Variants in FAM120B observed in about 807,000 individuals in gnomAD.
FAM120B encodes family with sequence similarity 120 member B, also known as constitutive coactivator of peroxisome proliferator-activated receptor gamma.
Under a neutral mutation model 96.3 loss-of-function variants are expected in FAM120B, and 83 were observed. The ratio of observed to expected loss-of-function variants is 0.86; its 90% CI spans 0.72 to 1.03. The LOEUF (loss-of-function observed/expected upper bound fraction) is 1.03. FAM120B is among the 50% of genes least tolerant of loss of function. The pLI, the probability that FAM120B is intolerant of heterozygous loss-of-function variation, is 0.00. For missense variants in FAM120B, 1,027 were observed against 1,121.2 expected (o/e 0.92, Z 1.20); for synonymous variants, 407 against 402.7 (o/e 1.01, Z -0.13).
At chr6:170,306,380 C>T (rs1344375649), upstream of FAM120B, 4 of 152,428 alleles carry the variant, frequency 2.6e-5, no homozygotes, top group East Asian at 7.8e-4. Flanking sequence ...ACAACTTCGG[C>T]CTGAGGCCCC....
In FAM120B at chr6:170,367,198, G is replaced by T. The variant is rs1365313288; in HGVS notation, c.2283+8880G>T. On this transcript the variant is annotated intron_variant, in intron 6 of 10. Transcript: ENST00000476287. ...TATTTTTATTTTGCTACAAATTAAT[G>T]AAACTTTAAATGATAATGATACTCT... is the stretch of plus-strand genomic sequence containing the variant. 2.6e-5 allele frequency among the ~76,000 whole-genome samples: 4 copies of T among 152,150 alleles called. 1 individual carries two copies. Among genetic ancestry groups the T allele is most frequent in the Non-Finnish European group, 4.4e-5 (3 of 68,022 alleles).
At chr6:170,347,777 A>G (rs1446984255) in intron 4 of FAM120B, among the ~76,000 whole-genome samples, 1 of 152,194 alleles carries the variant, frequency 6.6e-6, no homozygotes, top group Non-Finnish European at 1.5e-5. Flanking sequence ...AGAGCAAACT[A>G]AGGGGTAGAT....
chr6:170,358,735 C>T (rs1029096499), intron 6 of FAM120B, among the ~76,000 whole-genome samples: 1 of 152,202 alleles, frequency 6.6e-6, no homozygotes, highest in Non-Finnish European at 1.5e-5. Flanking sequence ...CTGTGGCAAG[C>T]GTTCAGTAAA....
chr6:170,391,091 G>A lies in FAM120B; in HGVS notation c.2569G>A (p.Gly857Ser), dbSNP rs758226124. ...ACMKENRRITGRAHWGSHHAG... is the reference protein window; with the variant it reads ...ACMKENRRITSRAHWGSHHAG... ...CATGAAGGAGAACAGACGCATCACT[G>A]GCCGAGCCCACTGGGGCTCACACCA... Residue 857 changes from glycine to serine, a missense_variant, in exon 8 of 11, where the codon GGC becomes AGC. Gly to Ser is a moderately conservative substitution (Grantham distance 56). Transcript: ENST00000476287. The A allele has an allele frequency of 6.2e-7, 1 of 1,614,124 alleles. No individual in the cohort carries two copies. The highest frequency in any genetic ancestry group is 2.2e-5 in the East Asian group (1 of 44,878).
At chr6:170,355,042 A>G (rs145736236) in intron 5 of FAM120B, among the ~76,000 whole-genome samples, 23 of 152,306 alleles carry the variant, frequency 1.5e-4, no homozygotes, top group African/African-American at 5.3e-4. Flanking sequence ...TCTCATGCCA[A>G]TCAGAATGGC....
chr6:170,323,259 G>T lies in FAM120B; in HGVS notation c.1915G>T (p.Asp639Tyr). 7 of 1,611,206 alleles carry T rather than the reference G, an allele frequency of 4.3e-6. No individual in the cohort carries two copies. The highest frequency in any genetic ancestry group is 5.9e-6 in the Non-Finnish European group (7 of 1,178,776). The change falls in exon 3 of 11, where the codon GAT (aspartate) becomes TAT (tyrosine). Residue 639 changes from aspartate (D) to tyrosine (Y), a missense_variant and splice_region_variant. Transcript: ENST00000476287. ...VYSLLLEDCQ[D>Y]VTSTCLAVKE... ...CTCACTCTTACTGGAGGACTGTCAA[G>T]GTGAGAATTGGTTGGTCCCTCTTAG...
intron 3 of FAM120B, among the ~76,000 whole-genome samples, chr6:170,328,180 C>A (rs1299821835): frequency 1.4e-5 from 2 of 138,870 alleles, no homozygotes; most frequent in Non-Finnish European, 3.0e-5. Flanking sequence ...ACAAAAAATT[C>A]TTTCTTTATA....
chr6:170,388,125 T>C (rs1466433032), intron 6 of FAM120B, among the ~76,000 whole-genome samples, 162 bp from the exon 7 acceptor site: 1 of 152,210 alleles, frequency 6.6e-6, no homozygotes, highest in African/African-American at 2.4e-5. Context: ...CTGTAATCAG[T>C]AGAGCTGGTG....
chr6:170,291,981 G>C (rs984872209), upstream of FAM120B, among the ~76,000 whole-genome samples: 1 of 152,222 alleles, frequency 6.6e-6, no homozygotes, highest in African/African-American at 2.4e-5. Context: ...TCGCGTGGCT[G>C]TCATTAAGGC....
chr6:170,349,889 GC>G (rs1163495530), intron 5 of FAM120B, among the ~76,000 whole-genome samples: 2 of 152,130 alleles, frequency 1.3e-5, no homozygotes, highest in East Asian at 3.9e-4. Flanking sequence ...GGAGGGCAGT[GC>G]CCCACCTGGG....
At position 170,370,267 on chromosome 6, in the gene FAM120B, T is replaced by C. The variant is rs7739601; in HGVS notation, c.2283+11949T>C. Among the ~76,000 whole-genome samples, 19,243 of 152,238 alleles carry C rather than the reference T, an allele frequency of 0.13. 1,285 individuals are homozygous for C. Among genetic ancestry groups the C allele is most frequent in the East Asian group, 0.21 (1,072 of 5,176 alleles). On this transcript the variant is annotated intron_variant, in intron 6 of 10. Transcript: ENST00000476287. This position sits in a 1 kb window ranked among gnomAD's most constrained non-coding sequence, Gnocchi z 4.3. ...AAGTGGCACCTTAGGGGGCCCTTGC[T>C]GCCCAGACAGTCCATGCAGACCTTT...
chr6:170,402,335 G>A (rs1334221747), intron 9 of FAM120B, among the ~76,000 whole-genome samples: 2 of 152,176 alleles, frequency 1.3e-5, no homozygotes, highest in African/African-American at 4.8e-5. Context: ...TTTAAATCTA[G>A]TACGCACACC....
intron 6 of FAM120B, among the ~76,000 whole-genome samples, chr6:170,376,937 C>G: frequency 7.1e-6 from 1 of 140,364 alleles, no homozygotes; most frequent in African/African-American, 2.7e-5. Context: ...TAAACCCAGA[C>G]GCCTGGGAGA....
At chr6:170,304,000 T>G (rs1784199112), upstream of FAM120B, among the ~76,000 whole-genome samples, 1 of 152,256 alleles carries the variant, frequency 6.6e-6, no homozygotes, top group Non-Finnish European at 1.5e-5. Context: ...TATCCCCTAC[T>G]GTATAAGTCC....
Position 170,299,312 on chromosome 6 carries a change from T to C in FAM120B, c.48+3859T>C, listed in dbSNP as rs76643688. 0.049 allele frequency among the ~76,000 whole-genome samples: 7,489 copies of C among 152,338 alleles called. 1,049 individuals are homozygous for C. In the East Asian group the frequency reaches 0.57, roughly 12 times the overall value. On this transcript the variant is annotated intron_variant, in intron 1 of 10. Transcript: ENST00000537664. Reference sequence around the variant, plus strand: ...TTTGCATGGTTCAAGGAATTTCTTATCTAAAGTTGTTCAAATGTTCTTTTA... The same window carrying C: ...TTTGCATGGTTCAAGGAATTTCTTACCTAAAGTTGTTCAAATGTTCTTTTA...
chr6:170,330,506 T>G lies in FAM120B; in HGVS notation c.1973T>G (p.Leu658Arg). ...TGGTTTGTGTATCCTGGGAACCCAC[T>G]GAGGCACCCGGACCTCGTCAGGCCG... ...KEWFVYPGNPLRHPDLVRPLQ... is the reference protein window; with the variant it reads ...KEWFVYPGNPRRHPDLVRPLQ... The change falls in exon 4 of 11, where the codon CTG (leucine) becomes CGG (arginine). Residue 658 changes from leucine (L) to arginine (R), a missense_variant. Coordinates refer to ENST00000476287, the MANE Select transcript of FAM120B (RefSeq NM_032448.3). 6.2e-7 allele frequency: 1 copy of G among 1,614,198 alleles called. No individual in the cohort carries two copies. The highest frequency in any genetic ancestry group is 8.5e-7 in the Non-Finnish European group (1 of 1,180,028).
rs763742037 is a variant in FAM120B, at chr6:170,345,202, A to G, written c.2018-2949A>G. 9.9e-5 allele frequency among the ~76,000 whole-genome samples: 15 copies of G among 152,186 alleles called. 1 individual carries two copies. Among genetic ancestry groups the G allele is most frequent in the Non-Finnish European group, 1.8e-4 (12 of 68,020 alleles). ...TTCAATCCCAGAATAAGTTTTGTTTATAAGTGTCCTTTATCCAGCAAAGTC... is the reference window on the plus strand; with the variant it reads ...TTCAATCCCAGAATAAGTTTTGTTTGTAAGTGTCCTTTATCCAGCAAAGTC... On this transcript the variant is annotated intron_variant, in intron 4 of 10. Transcript: ENST00000476287.
At chr6:170,330,383 C>G (rs1785933720) in intron 3 of FAM120B, 66 bp from the exon 4 acceptor site, 3 of 1,287,510 alleles carry the variant, frequency 2.3e-6, no homozygotes, top group Non-Finnish European at 3.4e-6. Flanking sequence ...AGAGCTGGGT[C>G]TGTGACACTG....
chr6:170,396,363 T>C (rs2081419045), intron 9 of FAM120B, among the ~76,000 whole-genome samples: 1 of 152,208 alleles, frequency 6.6e-6, no homozygotes, highest in Non-Finnish European at 1.5e-5. Flanking sequence ...ATCTGTTGAG[T>C]ACCGTGTCCT....
Sources: allele counts gnomAD v4.1 joint callset (sites outside exome capture counted in the v4.1 genomes callset), GRCh38; gene constraint gnomAD v4.1.1; non-coding constraint Gnocchi (gnomAD v3.1); transcripts MANE v1.5; gene names NCBI Gene and HGNC (gene_info 2026-07-23, HGNC 2026-07-21).